The following USP34 variants were observed in gnomAD, a reference collection of about 807,000 sequenced individuals.
USP34 encodes the protein ubiquitin carboxyl-terminal hydrolase 34.
In USP34, 70 loss-of-function variants were observed where a neutral mutation model predicts 460.3. That is an observed-to-expected ratio of 0.15 (90% CI 0.13 to 0.19). The LOEUF (loss-of-function observed/expected upper bound fraction) is 0.19, where lower values mean the gene tolerates loss of function less well. Among genes scored for constraint, USP34 ranks in the 10% least tolerant of loss-of-function variants. USP34 has a pLI of 1.00. For missense variants in USP34, 3,985 were observed against 4,236.2 expected, an observed-to-expected ratio of 0.94 and a Z score of 1.65; for synonymous variants, 1,647 against 1,405.3, an observed-to-expected ratio of 1.17 and a Z score of -3.85.
intron 1 of USP34, among the ~76,000 whole-genome samples, chr2:61,461,592 T>C (rs1186710): frequency 6.6e-6 from 1 of 151,844 alleles, no homozygotes; most frequent in Non-Finnish European, 1.5e-5. Context: ...AGGGCTCAAG[T>C]GATCCTCCCA....
At chr2:61,333,293 G>A (rs1334532876) in intron 19 of USP34, among the ~76,000 whole-genome samples, 2 of 152,066 alleles carry the variant, frequency 1.3e-5, no homozygotes, top group Non-Finnish European at 2.9e-5. Context: ...GAGACCAGAA[G>A]TGTTTCAAAT....
chr2:61,201,465 G>A (rs1210733754), intron 75 of USP34, among the ~76,000 whole-genome samples: 1 of 151,998 alleles, frequency 6.6e-6, no homozygotes, highest in East Asian at 1.9e-4. Context: ...CGCCCGCCTT[G>A]GCCTCCCAAA....
chr2:61,367,856 T>A (rs929444105), intron 10 of USP34, among the ~76,000 whole-genome samples: 7 of 133,204 alleles, frequency 5.3e-5, no homozygotes, highest in African/African-American at 1.9e-4. Flanking sequence ...TAATCATCAT[T>A]AACACAATGA....
rs34945181 is a variant in USP34 at position 61,235,793 on chromosome 2, GA to G, written c.7032+51del. On this transcript the variant is annotated intron_variant, in intron 57 of 79. Transcript: ENST00000398571. ...TGTAGCATCTTAGATCAGAGGGGGGGAAAAAAAAAAGAATCTTAAACTATGC... is the reference window on the plus strand; with the variant it reads ...TGTAGCATCTTAGATCAGAGGGGGGGAAAAAAAAAGAATCTTAAACTATGC... 4.6e-3 allele frequency: 5,959 copies of G among 1,282,342 alleles called. 4 individuals are homozygous for G. The highest frequency in any genetic ancestry group is 1.0e-2 in the Admixed American group (442 of 44,204). The allele number at this position is 1,282,342 out of a possible 1,614,324, so 79.4% of individuals were successfully genotyped here.
At chr2:61,298,385 A>C (rs1271052881) in intron 29 of USP34, among the ~76,000 whole-genome samples, 3 of 147,098 alleles carry the variant, frequency 2.0e-5, no homozygotes, top group Non-Finnish European at 4.5e-5. Context: ...AAAAAAAAAA[A>C]AAACTAGCTG....
intron 2 of USP34, among the ~76,000 whole-genome samples, chr2:61,406,680 T>TA (rs35294882): frequency 3.5e-4 from 50 of 143,298 alleles, no homozygotes; most frequent in African/African-American, 1.0e-3. Context: ...CAAGCTCCTG[T>TA]AAAAAAAAAT....
chr2:61,404,664 A>G (rs1019655613), intron 3 of USP34, among the ~76,000 whole-genome samples: 4 of 152,156 alleles, frequency 2.6e-5, no homozygotes, highest in Admixed American at 2.0e-4. Context: ...CACAAGTGCG[A>G]CCCAGACCTT....
At chr2:61,278,468 T>C (rs987734002) in intron 39 of USP34, 25 bp from the exon 40 acceptor site, 1 of 1,470,744 alleles carries the variant, frequency 6.8e-7, no homozygotes, top group Admixed American at 2.7e-5. Context: ...AAAATAAAAA[T>C]TCAAATATAA....
intron 8 of USP34, among the ~76,000 whole-genome samples, chr2:61,376,485 T>C (rs1349753499): frequency 2.0e-5 from 3 of 152,240 alleles, no homozygotes; most frequent in Admixed American, 2.0e-4. Context: ...GTGTTATTAC[T>C]GCAGTGAACA....
At chr2:61,284,147 G>A (rs114349899) in intron 35 of USP34, among the ~76,000 whole-genome samples, 1 of 152,140 alleles carries the variant, frequency 6.6e-6, no homozygotes, top group Non-Finnish European at 1.5e-5. Flanking sequence ...AAATTTGAAT[G>A]AATAAAACAT....
chr2:61,222,030 G>A (rs943823204), intron 65 of USP34, among the ~76,000 whole-genome samples: 7 of 152,066 alleles, frequency 4.6e-5, no homozygotes, highest in Admixed American at 4.6e-4. Context: ...ATAATTAACT[G>A]TAGTCGCTAC....
At position 61,288,735 on chromosome 2, in the gene USP34, T is replaced by C; in HGVS notation, c.4691A>G (p.Lys1564Arg). ...ATGATCACCAGCAGCCTTCCTTGAT[T>C]TGCCAGGCCAGGTTCTTTTCCTATG... ...ESHRKRTWPG[K>R]SRKAAGDHAK... is the part of the protein sequence containing the mutation. The change falls in exon 34 of 80, where the codon AAA becomes AGA. Residue 1564 changes from lysine (K) to arginine (R), a missense_variant. This residue lies in a region of USP34 where 1,114 missense variants were observed against 1,122.5 expected (regional missense o/e 0.99). Transcript: ENST00000398571. The C allele has an allele frequency of 1.9e-6, 3 of 1,614,058 alleles. No individual in the cohort carries two copies. Among genetic ancestry groups the C allele is most frequent in the Non-Finnish European group, 2.5e-6 (3 of 1,179,956 alleles).
intron 39 of USP34, among the ~76,000 whole-genome samples, chr2:61,279,186 G>A (rs187233626): frequency 4.6e-5 from 7 of 151,118 alleles, no homozygotes; most frequent in Admixed American, 1.3e-4. Flanking sequence ...ACTAATTTTT[G>A]TAATTATTTC....
chr2:61,206,080 C>G lies in USP34; in HGVS notation c.9091G>C (p.Ala3031Pro), dbSNP rs1687110140. 9.3e-6 allele frequency: 15 copies of G among 1,613,802 alleles called. No homozygotes were observed. Among genetic ancestry groups the G allele is most frequent in the Non-Finnish European group, 1.3e-5 (15 of 1,179,836 alleles). ...TTAAGAAGAGTTAACAGTTTATGGG[C>G]AAATTCAATTCGCTCCTGCCACTGG... ...LIQWQERIEF[A>P]HKLLTLLNSY... is the part of the protein sequence containing the mutation. Residue 3031 changes from alanine (A) to proline (P), a missense_variant, in exon 72 of 80, where the codon GCC becomes CCC. By Grantham distance (27) the Ala-to-Pro change is conservative (BLOSUM62 -1). This residue lies in a region of USP34 where 275 missense variants were observed against 292.7 expected (regional missense o/e 0.94). Coordinates refer to ENST00000398571, the MANE Select transcript of USP34 (RefSeq NM_014709.4).
chr2:61,345,804 T>C (rs923686918), intron 15 of USP34, among the ~76,000 whole-genome samples: 8 of 152,234 alleles, frequency 5.3e-5, no homozygotes, highest in African/African-American at 1.9e-4. Context: ...CTGGCTAGTG[T>C]TTTTAATATT....
At chr2:61,209,193 G>C (rs1282473947) in intron 69 of USP34, among the ~76,000 whole-genome samples, 2 of 152,064 alleles carry the variant, frequency 1.3e-5, no homozygotes, top group Non-Finnish European at 2.9e-5. Context: ...CTAATCAACT[G>C]CTAATTATCT....
chr2:61,310,296 C>A (rs1286760746), intron 27 of USP34, among the ~76,000 whole-genome samples: 1 of 152,074 alleles, frequency 6.6e-6, no homozygotes, highest in Admixed American at 6.5e-5. Flanking sequence ...CAAAGATATT[C>A]TCTGTCACAT....
At chr2:61,204,952 G>T (rs1216521184) in intron 72 of USP34, among the ~76,000 whole-genome samples, 1 of 152,112 alleles carries the variant, frequency 6.6e-6, no homozygotes, top group Non-Finnish European at 1.5e-5. Context: ...GCTCCTGGGT[G>T]CAAGTGATCC....
rs1213092353 is a variant in USP34, at chr2:61,317,611, T to C, written c.3282+43A>G. 6 of 1,503,544 alleles carry C rather than the reference T, an allele frequency of 4.0e-6. No homozygotes were observed. In the East Asian group the frequency reaches 1.4e-4, roughly 34 times the overall value. The allele number at this position is 1,503,544 out of a possible 1,614,324, so 93.1% of individuals were successfully genotyped here. On this transcript the variant is annotated intron_variant, in intron 23 of 79. Transcript: ENST00000398571. ...TGGAAACCGAATTTGATAATCTAAT[T>C]TGAGGAATAAAGTTGCCTAATAAAG...
Sources: allele counts gnomAD v4.1 joint callset (sites outside exome capture counted in the v4.1 genomes callset), GRCh38; gene constraint gnomAD v4.1.1; regional missense constraint gnomAD v4.1.1; transcripts MANE v1.5; gene names NCBI Gene and HGNC (gene_info 2026-07-23, HGNC 2026-07-21).